The following PTPRN2 variants were observed in gnomAD, a reference collection of about 807,000 sequenced individuals.
PTPRN2 encodes protein tyrosine phosphatase receptor type N2.
A neutral mutation model predicts 118.8 loss-of-function variants in PTPRN2; 74 were observed. That is an observed-to-expected ratio of 0.62 (90% CI 0.52 to 0.76). PTPRN2 has a LOEUF of 0.76. PTPRN2 is among the 30% of genes least tolerant of loss of function. The pLI is 0.00. For missense variants in PTPRN2, 1,481 were observed against 1,394.4 expected, an observed-to-expected ratio of 1.06 and a Z score of -0.99; for synonymous variants, 641 against 608.0, an observed-to-expected ratio of 1.05 and a Z score of -0.80.
chr7:157,825,413 C>T (rs572129481), intron 12 of PTPRN2, among the ~76,000 whole-genome samples: 1 of 152,170 alleles, frequency 6.6e-6, no homozygotes, highest in Admixed American at 6.5e-5. Context: ...GACTGCCTCC[C>T]CCCCAGACTT....
rs1802962586 is a variant in PTPRN2, at chr7:157,618,797, G to C, written c.2344+2565C>G. 6.6e-6 allele frequency: 1 copy of C among 152,264 alleles called. No homozygotes were observed. The highest frequency in any genetic ancestry group is 2.1e-4 in the South Asian group (1 of 4,828). 9.4% of individuals were successfully genotyped at this position (152,264 alleles called of 1,614,324 possible). On this transcript the variant is annotated intron_variant, in intron 15 of 22. Transcript: ENST00000389418. The surrounding 1 kb of genome is among the most constrained non-coding windows in gnomAD (Gnocchi z 4.2). ...TTTCTATCTAGGGTTCTCCCAGGAG[G>C]TGAACTTGCCGTTCTCTGTCTTCCC...
chr7:158,577,693 CAGAT>C (rs1828414647), intron 1 of PTPRN2, among the ~76,000 whole-genome samples: 1 of 152,246 alleles, frequency 6.6e-6, no homozygotes, highest in South Asian at 2.1e-4. Flanking sequence ...ATAAAACAGA[CAGAT>C]AAAGGATAGG....
At chr7:158,317,393 C>A (rs1222705101) in intron 2 of PTPRN2, among the ~76,000 whole-genome samples, 1 of 152,224 alleles carries the variant, frequency 6.6e-6, no homozygotes, top group Non-Finnish European at 1.5e-5. Flanking sequence ...CCCTGGGCTG[C>A]GTGGGAGGCA....
rs373308253 is a variant in PTPRN2 at position 157,603,920 on chromosome 7, C to T, written c.2418+82G>A. On this transcript the variant is annotated intron_variant, in intron 16 of 22. Transcript: ENST00000389418. This position sits in a 1 kb window ranked among gnomAD's most constrained non-coding sequence, Gnocchi z 5.4. Reference sequence around the variant, plus strand: ...TGAGCTGGGTGGGGACGTGATTTCCCCCGAGAACCTTCCCACGTGATTTGC... The same window carrying T: ...TGAGCTGGGTGGGGACGTGATTTCCTCCGAGAACCTTCCCACGTGATTTGC... 2.2e-5 allele frequency: 30 copies of T among 1,368,812 alleles called. No individual in the cohort carries two copies. Among genetic ancestry groups the T allele is most frequent in the African/African-American group, 1.6e-4 (11 of 70,204 alleles). 84.8% of individuals were successfully genotyped at this position (1,368,812 alleles called of 1,614,324 possible). A position where few individuals can be genotyped will look rare whatever the true frequency, so the allele number is the denominator to read the frequency against.
chr7:158,475,446 C>CG (rs1251295249), intron 2 of PTPRN2, among the ~76,000 whole-genome samples: 2 of 152,168 alleles, frequency 1.3e-5, no homozygotes, highest in Non-Finnish European at 2.9e-5. Flanking sequence ...AGAAAGGTGA[C>CG]CTTGTGCACG....
intron 14 of PTPRN2, among the ~76,000 whole-genome samples, chr7:157,636,726 C>G (rs1030764294): frequency 1.3e-5 from 2 of 152,182 alleles, no homozygotes; most frequent in Non-Finnish European, 2.9e-5. Flanking sequence ...CACTGGAGAA[C>G]TTTGGAGAAA....
At position 158,149,012 on chromosome 7, in the gene PTPRN2, T is replaced by A. The variant is rs374582781; in HGVS notation, c.911-10497A>T. Among the ~76,000 whole-genome samples, 266 of 94,222 alleles carry A rather than the reference T, an allele frequency of 2.8e-3. 1 individual carries two copies. Among genetic ancestry groups the A allele is most frequent in the African/African-American group, 0.014 (249 of 17,754 alleles). 61.8% of individuals were successfully genotyped at this position (94,222 alleles called of 152,430 possible). On this transcript the variant is annotated intron_variant, in intron 6 of 22. Coordinates refer to ENST00000389418, the MANE Select transcript of PTPRN2 (RefSeq NM_002847.5). ...CACACATCTTTCCCCCTCAATGACA[T>A]CCCATCTCACGCCACGTGTCTTTCC...
intron 12 of PTPRN2, among the ~76,000 whole-genome samples, chr7:157,776,829 TC>T (rs1803338848): frequency 3.6e-5 from 2 of 55,646 alleles, no homozygotes; most frequent in Non-Finnish European, 7.5e-5. Context: ...CTCCCTCTCC[TC>T]CCTCTCTTCC....
chr7:158,001,948 C>G (rs562889924), intron 11 of PTPRN2, among the ~76,000 whole-genome samples: 113 of 152,358 alleles, frequency 7.4e-4, no homozygotes, highest in African/African-American at 2.5e-3. Context: ...CAGCCGGAAG[C>G]TGGCCAAGCT....
At chr7:158,524,997 C>A (rs549462222) in intron 1 of PTPRN2, among the ~76,000 whole-genome samples, 1 of 152,314 alleles carries the variant, frequency 6.6e-6, no homozygotes, top group African/African-American at 2.4e-5. Flanking sequence ...CATCACTGCC[C>A]TTCGAAGTGT....
Position 157,801,935 on chromosome 7 carries a change from G to T in PTPRN2, c.1788+96738C>A, listed in dbSNP as rs1805332341. 6.6e-6 allele frequency among the ~76,000 whole-genome samples: 1 copy of T among 152,184 alleles called. No individual in the cohort carries two copies. Among genetic ancestry groups the T allele is most frequent in the African/African-American group, 2.4e-5 (1 of 41,454 alleles). Reference sequence around the variant, plus strand: ...TGGGTTTCACTGAGCTGAAGTCAGGGCTTGGGTGGGCCGCACGCTCTGGGG... The same window carrying T: ...TGGGTTTCACTGAGCTGAAGTCAGGTCTTGGGTGGGCCGCACGCTCTGGGG... On this transcript the variant is annotated intron_variant, in intron 12 of 22. Transcript: ENST00000389418. This position sits in a 1 kb window ranked among gnomAD's most constrained non-coding sequence, Gnocchi z 4.2.
intron 12 of PTPRN2, among the ~76,000 whole-genome samples, chr7:157,721,592 C>T (rs932008102): frequency 7.9e-5 from 12 of 152,316 alleles, no homozygotes; most frequent in African/African-American, 1.4e-4. Context: ...CCAGTGTCAG[C>T]GTCCACTGAG....
intron 5 of PTPRN2, among the ~76,000 whole-genome samples, chr7:158,176,274 G>A (rs1563562166): frequency 1.3e-5 from 2 of 152,194 alleles, no homozygotes; most frequent in Non-Finnish European, 2.9e-5. Context: ...AAGATGGAGG[G>A]ACAGTCATCG....
At chr7:158,421,033 C>T (rs1287108710) in intron 2 of PTPRN2, among the ~76,000 whole-genome samples, 1 of 152,184 alleles carries the variant, frequency 6.6e-6, no homozygotes, top group Non-Finnish European at 1.5e-5. Context: ...CAGTTCTGCC[C>T]ATGTCATCCT....
intron 3 of PTPRN2, among the ~76,000 whole-genome samples, chr7:158,264,609 C>A (rs141262732): frequency 9.2e-5 from 14 of 152,116 alleles, no homozygotes; most frequent in African/African-American, 3.1e-4. Context: ...TAGGAAGAGA[C>A]TCACTGCCCC....
chr7:158,359,669 A>C (rs988312070), intron 2 of PTPRN2, among the ~76,000 whole-genome samples: 1 of 152,188 alleles, frequency 6.6e-6, no homozygotes, highest in Non-Finnish European at 1.5e-5. Flanking sequence ...CTATTTAAAA[A>C]CCCAGCCTCA....
intron 12 of PTPRN2, among the ~76,000 whole-genome samples, chr7:157,804,393 T>C (rs771274814): frequency 9.2e-5 from 14 of 152,228 alleles, no homozygotes; most frequent in Admixed American, 2.6e-4. Flanking sequence ...ACTCATGATA[T>C]GTCAGACCAA....
At chr7:158,107,759 C>T (rs1195502040) in intron 10 of PTPRN2, among the ~76,000 whole-genome samples, 1 of 152,152 alleles carries the variant, frequency 6.6e-6, no homozygotes, top group Non-Finnish European at 1.5e-5. Context: ...CTGCTCTCTT[C>T]CCTCACCTGC....
chr7:157,575,220 T>C (rs1585051287), intron 19 of PTPRN2, among the ~76,000 whole-genome samples: 1 of 152,228 alleles, frequency 6.6e-6, no homozygotes, highest in East Asian at 1.9e-4. Flanking sequence ...GTTACATCCA[T>C]TTTGCCAGGA....
Sources: allele counts gnomAD v4.1 joint callset (sites outside exome capture counted in the v4.1 genomes callset), GRCh38; gene constraint gnomAD v4.1.1; non-coding constraint Gnocchi (gnomAD v3.1); transcripts MANE v1.5; gene names NCBI Gene and HGNC (gene_info 2026-07-23, HGNC 2026-07-21).